ZNF704: variants seen among roughly 807,000 people sequenced by gnomAD.
The protein encoded by ZNF704 is glucocorticoid induced gene 1.
A neutral mutation model predicts 44.7 loss-of-function variants in ZNF704; 10 were observed. The ratio of observed to expected loss-of-function variants is 0.22; its 90% CI spans 0.14 to 0.38. The LOEUF (loss-of-function observed/expected upper bound fraction) is 0.38, where lower values mean the gene tolerates loss of function less well. ZNF704 is among the 10% of genes least tolerant of loss of function. The pLI, the probability that ZNF704 is intolerant of heterozygous loss-of-function variation, is 1.00. For synonymous variants in ZNF704, 211 were observed against 207.6 expected (o/e 1.02, Z -0.14); for missense variants, 390 against 545.5 (o/e 0.71, Z 2.84).
At chr8:80,688,316 AGTT>A (rs1416140878) in intron 3 of ZNF704, among the ~76,000 whole-genome samples, 4 of 152,228 alleles carry the variant, frequency 2.6e-5, no homozygotes, top group African/African-American at 9.6e-5. Context: ...ATTTCTGGAT[AGTT>A]ATCTAAAGCC....
At chr8:80,782,119 C>T (rs1807535504) in intron 2 of ZNF704, among the ~76,000 whole-genome samples, 1 of 152,180 alleles carries the variant, frequency 6.6e-6, no homozygotes, top group South Asian at 2.1e-4. Flanking sequence ...TGTCTTCTCT[C>T]AGTACCTCTT....
chr8:80,746,005 T>C (rs571386145), intron 2 of ZNF704, among the ~76,000 whole-genome samples: 1 of 152,338 alleles, frequency 6.6e-6, no homozygotes, highest in African/African-American at 2.4e-5. Flanking sequence ...CAACTCAGAC[T>C]TTCTCATGAT....
intron 2 of ZNF704, among the ~76,000 whole-genome samples, chr8:80,806,188 C>G (rs1807986646): frequency 6.6e-6 from 1 of 152,174 alleles, no homozygotes; most frequent in Non-Finnish European, 1.5e-5. Flanking sequence ...GAAAAATCAG[C>G]TTTGAAAATG....
chr8:80,852,890 T>C (rs1464168837), intron 1 of ZNF704, among the ~76,000 whole-genome samples: 5 of 152,200 alleles, frequency 3.3e-5, no homozygotes, highest in Non-Finnish European at 7.3e-5. Context: ...TACCATACCA[T>C]TAAATAATAT....
At chr8:80,707,723 T>C (rs549960944) in intron 2 of ZNF704, among the ~76,000 whole-genome samples, 2 of 152,352 alleles carry the variant, frequency 1.3e-5, no homozygotes, top group East Asian at 1.9e-4. Flanking sequence ...ATTCGATTGT[T>C]TCAATCAATG....
chr8:80,699,826 T>A (rs1293997674), intron 2 of ZNF704, among the ~76,000 whole-genome samples: 1 of 149,422 alleles, frequency 6.7e-6, no homozygotes, highest in African/African-American at 2.5e-5. Flanking sequence ...CTCTACAACT[T>A]CTCTCCCCAC....
In ZNF704 at chr8:80,634,294, C is replaced by G. The variant is rs1817633078; in HGVS notation, c.*7072G>C. On this transcript the variant is annotated 3_prime_UTR_variant, in exon 9 of 9. Transcript: ENST00000327835. Reference sequence around the variant, plus strand: ...GCCAAAAGGAGGCAGAGTGAGAGAGCTGGATAACTCAGCGTATCTATATTC... The same window carrying G: ...GCCAAAAGGAGGCAGAGTGAGAGAGGTGGATAACTCAGCGTATCTATATTC... 6.6e-6 allele frequency: 1 copy of G among 152,246 alleles called. No homozygotes were observed. Among genetic ancestry groups the G allele is most frequent in the Admixed American group, 6.5e-5 (1 of 15,286 alleles). 9.4% of individuals were successfully genotyped at this position (152,246 alleles called of 1,614,324 possible). A position where few individuals can be genotyped will look rare whatever the true frequency, so the allele number is the denominator to read the frequency against.
chr8:80,785,055 C>T (rs1389598924), intron 2 of ZNF704, among the ~76,000 whole-genome samples: 1 of 152,148 alleles, frequency 6.6e-6, no homozygotes, highest in Admixed American at 6.5e-5. Context: ...CCTTGATTTG[C>T]TTAATGTCCT....
intron 4 of ZNF704, among the ~76,000 whole-genome samples, chr8:80,683,496 C>G (rs1026426433): frequency 2.6e-5 from 4 of 152,196 alleles, no homozygotes; most frequent in Non-Finnish European, 4.4e-5. Context: ...TTTCTCTCCA[C>G]GTTTTTCTCC....
intron 1 of ZNF704, among the ~76,000 whole-genome samples, chr8:80,859,253 T>G (rs534265560): frequency 6.6e-6 from 1 of 152,212 alleles, no homozygotes. Flanking sequence ...ATATATTCTA[T>G]GCTAAAGTAA....
chr8:80,868,570 T>C (rs1809196739), intron 1 of ZNF704, among the ~76,000 whole-genome samples: 1 of 152,200 alleles, frequency 6.6e-6, no homozygotes, highest in Admixed American at 6.5e-5. Context: ...CCAGTCAGCA[T>C]CATCAGATGG....
intron 1 of ZNF704, among the ~76,000 whole-genome samples, chr8:80,831,886 G>A (rs1808477754): frequency 2.0e-5 from 3 of 152,188 alleles, no homozygotes; most frequent in Admixed American, 2.0e-4. Context: ...CATTAGGATT[G>A]ATTTAAAGAA....
intron 4 of ZNF704, among the ~76,000 whole-genome samples, chr8:80,685,357 T>A (rs768903735): frequency 6.6e-6 from 1 of 152,020 alleles, no homozygotes; most frequent in Non-Finnish European, 1.5e-5. Context: ...TTAAATAACA[T>A]TGGGGTTCCC....
At chr8:80,775,395 T>C (rs576018949) in intron 2 of ZNF704, among the ~76,000 whole-genome samples, 1 of 152,338 alleles carries the variant, frequency 6.6e-6, no homozygotes, top group African/African-American at 2.4e-5. Context: ...ATGCTAATGT[T>C]TGGTCATTCC....
intron 1 of ZNF704, among the ~76,000 whole-genome samples, chr8:80,823,664 A>ACCACCGAGTAGCCTAACTGGGAGGTG (rs1808319737): frequency 1.3e-5 from 2 of 152,054 alleles, no homozygotes; most frequent in Admixed American, 1.3e-4. Flanking sequence ...ACTGGGAGGT[A>ACCACCGAGTAGCCTAACTGGGAGGTG]CCTCCCAGTA....
At chr8:80,816,176 CTGAT>C (rs1808174262) in intron 2 of ZNF704, among the ~76,000 whole-genome samples, 1 of 152,170 alleles carries the variant, frequency 6.6e-6, no homozygotes, top group African/African-American at 2.4e-5. Flanking sequence ...TGGTGGCTTC[CTGAT>C]TGGTCTTCCT....
intron 2 of ZNF704, among the ~76,000 whole-genome samples, chr8:80,817,670 T>C (rs943317105): frequency 3.3e-5 from 5 of 152,222 alleles, no homozygotes; most frequent in Admixed American, 2.0e-4. Context: ...AACTTTAAAA[T>C]TGGTTCTCAA....
intron 7 of ZNF704, chr8:80,658,883 G>A (rs1818056102): frequency 6.6e-6 from 1 of 152,178 alleles, no homozygotes; most frequent in African/African-American, 2.4e-5. Flanking sequence ...GTTATCATAA[G>A]CCACTTCCTG....
intron 2 of ZNF704, among the ~76,000 whole-genome samples, chr8:80,703,257 T>C (rs1347702233): frequency 6.6e-6 from 1 of 151,868 alleles, no homozygotes; most frequent in Non-Finnish European, 1.5e-5. Context: ...TGGAACAAGC[T>C]TTCTTCTCTT....
Sources: gnomAD v4.1 joint callset for allele counts (sites outside exome capture counted in the v4.1 genomes callset) on GRCh38, gnomAD v4.1.1 for gene constraint, MANE v1.5 for transcripts, NCBI Gene and HGNC (gene_info 2026-07-23, HGNC 2026-07-21) for gene names.